DPYD: variants seen among roughly 807,000 people sequenced by gnomAD.
The protein encoded by DPYD is dihydropyrimidine dehydrogenase.
In DPYD, 109 loss-of-function variants were observed where a neutral mutation model predicts 116.2. That is an observed-to-expected ratio of 0.94 (90% CI 0.80 to 1.10). The LOEUF is 1.10. Ranked by LOEUF, DPYD falls within the 50% of genes least tolerant of loss-of-function variation. The pLI is 0.00. For missense variants in DPYD, 1,302 were observed against 1,254.5 expected (o/e 1.04, Z -0.57); for synonymous variants, 440 against 432.0 (o/e 1.02, Z -0.23).
intron 18 of DPYD, among the ~76,000 whole-genome samples, chr1:97,248,220 G>A (rs1171060818): frequency 6.6e-6 from 1 of 152,190 alleles, no homozygotes; most frequent in Non-Finnish European, 1.5e-5. Context: ...ATCTCATCTT[G>A]AATTGTTAAC....
chr1:97,601,979 CATTA>C (rs1655276031), intron 8 of DPYD, among the ~76,000 whole-genome samples: 1 of 151,968 alleles, frequency 6.6e-6, no homozygotes, highest in Non-Finnish European at 1.5e-5. Context: ...TGACCACACA[CATTA>C]ATTGTGTGTA....
chr1:97,361,309 T>C (rs1670712028), intron 16 of DPYD, among the ~76,000 whole-genome samples: 1 of 152,166 alleles, frequency 6.6e-6, no homozygotes, highest in Non-Finnish European at 1.5e-5. Flanking sequence ...GAGGCAATAA[T>C]TAATAGCCTA....
intron 10 of DPYD, among the ~76,000 whole-genome samples, chr1:97,590,773 T>C (rs1387947173): frequency 2.0e-5 from 3 of 152,222 alleles, no homozygotes; most frequent in African/African-American, 7.2e-5. Context: ...CCTGTGCTTC[T>C]TGTAATCTAC....
chr1:97,085,833 G>T (rs182148326), intron 21 of DPYD, among the ~76,000 whole-genome samples: 4 of 152,298 alleles, frequency 2.6e-5, no homozygotes, highest in East Asian at 1.9e-4. Flanking sequence ...ATGTATGAAG[G>T]TTCAGCAGTA....
chr1:97,168,054 A>C (rs958421592), intron 20 of DPYD, among the ~76,000 whole-genome samples: 1 of 152,214 alleles, frequency 6.6e-6, no homozygotes, highest in Non-Finnish European at 1.5e-5. Context: ...TGATAAACCT[A>C]AAGTTTTTAT....
At chr1:97,398,534 A>G (rs903012209) in intron 14 of DPYD, among the ~76,000 whole-genome samples, 2 of 152,160 alleles carry the variant, frequency 1.3e-5, no homozygotes, top group Non-Finnish European at 2.9e-5. Flanking sequence ...TGACTTCACA[A>G]TGGTTGAACT....
intron 16 of DPYD, among the ~76,000 whole-genome samples, chr1:97,348,306 A>G (rs1199414172): frequency 1.3e-5 from 2 of 152,156 alleles, no homozygotes; most frequent in East Asian, 3.9e-4. Flanking sequence ...ATAACAAGGG[A>G]TTGAATGCTG....
At chr1:97,774,200 T>TGG (rs1666284011) in intron 3 of DPYD, among the ~76,000 whole-genome samples, 2 of 152,162 alleles carry the variant, frequency 1.3e-5, no homozygotes, top group South Asian at 4.1e-4. Flanking sequence ...CTGTTTTACC[T>TGG]GGGGCTCATC....
intron 12 of DPYD, among the ~76,000 whole-genome samples, chr1:97,527,404 T>A (rs927106811): frequency 6.6e-6 from 1 of 152,084 alleles, no homozygotes; most frequent in Non-Finnish European, 1.5e-5. Flanking sequence ...TAAACATGAA[T>A]TTTCTAAATT....
intron 8 of DPYD, among the ~76,000 whole-genome samples, chr1:97,600,621 C>A (rs1655190263): frequency 6.6e-6 from 1 of 152,112 alleles, no homozygotes; most frequent in African/African-American, 2.4e-5. Context: ...ATAAATTATA[C>A]TTTCTGGGCA....
At chr1:97,155,882 T>C (rs958513098) in intron 20 of DPYD, among the ~76,000 whole-genome samples, 2 of 152,170 alleles carry the variant, frequency 1.3e-5, no homozygotes, top group African/African-American at 2.4e-5. Flanking sequence ...GTATTATCTG[T>C]TCTAGTACTT....
chr1:97,904,765 T>C (rs1193642296), intron 1 of DPYD, among the ~76,000 whole-genome samples: 2 of 152,046 alleles, frequency 1.3e-5, no homozygotes, highest in Non-Finnish European at 2.9e-5. Flanking sequence ...GTGAAATATA[T>C]ATGTTAATCA....
intron 20 of DPYD, among the ~76,000 whole-genome samples, chr1:97,185,521 T>C (rs1247206057): frequency 1.3e-5 from 2 of 152,022 alleles, no homozygotes; most frequent in Admixed American, 6.6e-5. Flanking sequence ...AAAGGAGTTA[T>C]GCAAGTATGT....
At chr1:97,739,698 A>G (rs770900078) in intron 4 of DPYD, among the ~76,000 whole-genome samples, 2 of 152,102 alleles carry the variant, frequency 1.3e-5, no homozygotes, top group African/African-American at 4.8e-5. Flanking sequence ...GCCTTTGCTC[A>G]TCCTTAAAGG....
intron 2 of DPYD, among the ~76,000 whole-genome samples, chr1:97,874,093 A>G (rs1004145459): frequency 2.6e-5 from 4 of 151,938 alleles, no homozygotes; most frequent in African/African-American, 9.7e-5. Context: ...TTCACTATCC[A>G]CCATCCTCAT....
At chr1:97,649,689 A>G (rs1201945668) in intron 8 of DPYD, among the ~76,000 whole-genome samples, 4 of 152,148 alleles carry the variant, frequency 2.6e-5, no homozygotes, top group Non-Finnish European at 4.4e-5. Context: ...ACTGTGTTTA[A>G]CTTAAATGAT....
chr1:97,147,474 C>T (rs1029686764), intron 20 of DPYD, among the ~76,000 whole-genome samples: 3 of 152,178 alleles, frequency 2.0e-5, no homozygotes, highest in Admixed American at 1.3e-4. Context: ...AGAAGTATCA[C>T]TGAATGCTCT....
At chr1:97,144,737 G>A (rs2101703249) in intron 20 of DPYD, among the ~76,000 whole-genome samples, 1 of 152,274 alleles carries the variant, frequency 6.6e-6, no homozygotes, top group African/African-American at 2.4e-5. Context: ...TGTGCTTTGT[G>A]CTTTTGGTTG....
chr1:97,631,411 T>C (rs758923408), intron 8 of DPYD, among the ~76,000 whole-genome samples: 4 of 152,078 alleles, frequency 2.6e-5, no homozygotes, highest in Non-Finnish European at 5.9e-5. Flanking sequence ...AATGTCAATC[T>C]TGGGCCTTGC....
Sources: allele counts gnomAD v4.1 joint callset (sites outside exome capture counted in the v4.1 genomes callset), GRCh38; gene constraint gnomAD v4.1.1; transcripts MANE v1.5; gene names NCBI Gene and HGNC (gene_info 2026-07-23, HGNC 2026-07-21).